The following THSD7B variants were observed in gnomAD, a reference collection of about 807,000 sequenced individuals.
THSD7B encodes the protein thrombospondin type-1 domain-containing protein 7B.
A neutral mutation model predicts 213.6 loss-of-function variants in THSD7B; 138 were observed. That is an observed-to-expected ratio of 0.65 (90% CI 0.56 to 0.74). THSD7B has a LOEUF of 0.74. Ranked by LOEUF, THSD7B falls within the 30% of genes least tolerant of loss-of-function variation. The probability of loss-of-function intolerance (pLI) is 0.00; values close to 1 mark genes in which losing one functional copy is unlikely to be tolerated. For missense variants in THSD7B, 1,931 were observed against 1,991.5 expected (o/e 0.97, Z 0.58); for synonymous variants, 742 against 687.0 (o/e 1.08, Z -1.25).
chr2:137,133,774 A>G (rs1688783440), intron 5 of THSD7B, among the ~76,000 whole-genome samples: 1 of 152,228 alleles, frequency 6.6e-6, no homozygotes, highest in African/African-American at 2.4e-5. Flanking sequence ...AAGGACTATC[A>G]TTTCAACATA....
chr2:136,995,503 A>T (rs578191348), intron 2 of THSD7B, among the ~76,000 whole-genome samples: 1 of 152,252 alleles, frequency 6.6e-6, no homozygotes, highest in South Asian at 2.1e-4. Flanking sequence ...ATTCTGTTTC[A>T]AGGAAAGTTT....
At chr2:136,897,821 C>T (rs1298794819) in intron 2 of THSD7B, among the ~76,000 whole-genome samples, 1 of 143,844 alleles carries the variant, frequency 7.0e-6, no homozygotes, top group Admixed American at 6.9e-5. Context: ...TACAAACCTT[C>T]AGCTAGACAC....
At chr2:137,421,409 G>A (rs1241115395) in intron 14 of THSD7B, among the ~76,000 whole-genome samples, 10 of 152,138 alleles carry the variant, frequency 6.6e-5, no homozygotes, top group East Asian at 3.9e-4. Context: ...GGGTTCCCAC[G>A]ACTCCCACTT....
chr2:137,606,328 A>G (rs1682176998), intron 17 of THSD7B, among the ~76,000 whole-genome samples: 1 of 152,196 alleles, frequency 6.6e-6, no homozygotes, highest in South Asian at 2.1e-4. Context: ...GGGGGCCTCT[A>G]TGTTGCTAGC....
At chr2:137,206,046 CTT>C (rs35864577) in intron 7 of THSD7B, among the ~76,000 whole-genome samples, 73 of 148,052 alleles carry the variant, frequency 4.9e-4, no homozygotes, top group South Asian at 1.1e-3. Context: ...AGTGATTATC[CTT>C]TTTTTTTTTT....
rs1448760536 is a variant in THSD7B at position 137,376,002 on chromosome 2, A to G, written c.2501-29611A>G. Among the ~76,000 whole-genome samples the G allele has an allele frequency of 3.9e-5, 6 of 152,362 alleles. No homozygotes were observed. In the South Asian group the frequency reaches 1.2e-3, roughly 32 times the overall value. On this transcript the variant is annotated intron_variant, in intron 12 of 27. Transcript: ENST00000409968. ...GATGTTTTAAATAGCCAGATCCACA[A>G]GAAAATGTAGAATATACTTTGGCAA...
At chr2:137,225,536 C>T (rs1214008589) in intron 7 of THSD7B, among the ~76,000 whole-genome samples, 1 of 152,166 alleles carries the variant, frequency 6.6e-6, no homozygotes, top group Admixed American at 6.5e-5. Context: ...AAACCCAGCT[C>T]AGACACTGGC....
chr2:137,206,906 G>A (rs1339537054), intron 7 of THSD7B, among the ~76,000 whole-genome samples: 1 of 152,026 alleles, frequency 6.6e-6, no homozygotes, highest in African/African-American at 2.4e-5. Flanking sequence ...AATTAGATAA[G>A]GAAGGATTTC....
intron 10 of THSD7B, among the ~76,000 whole-genome samples, chr2:137,271,431 TATATATAATATA>T (rs1161941313): frequency 0.013 from 1,713 of 136,834 alleles, 29 homozygotes; most frequent in Non-Finnish European, 0.015. Flanking sequence ...AATTATATAA[TATATATAATATA>T]ATATATAATA....
chr2:136,916,330 T>C (rs1043445892), intron 2 of THSD7B, among the ~76,000 whole-genome samples: 1 of 152,190 alleles, frequency 6.6e-6, no homozygotes, highest in Non-Finnish European at 1.5e-5. Flanking sequence ...CCTTGTGGAC[T>C]TGAAAGGACT....
At chr2:137,404,287 T>G (rs1476552074) in intron 12 of THSD7B, among the ~76,000 whole-genome samples, 1 of 151,392 alleles carries the variant, frequency 6.6e-6, no homozygotes. Flanking sequence ...GTCCCACTAC[T>G]CGGTATCTAC....
intron 15 of THSD7B, among the ~76,000 whole-genome samples, chr2:137,453,450 C>T (rs916086786): frequency 2.0e-5 from 3 of 151,016 alleles, no homozygotes; most frequent in African/African-American, 7.3e-5. Context: ...CTGCCTCAGC[C>T]TCCCATGTAG....
At chr2:136,807,509 G>T (rs796813123) in intron 1 of THSD7B, among the ~76,000 whole-genome samples, 2,230 of 104,736 alleles carry the variant, frequency 0.021, 173 homozygotes, top group African/African-American at 0.073. Context: ...AAAATGTTTC[G>T]TTTTTTTTTT....
chr2:137,530,708 A>C (rs74593066), intron 15 of THSD7B, among the ~76,000 whole-genome samples: 10,928 of 152,012 alleles, frequency 0.072, 442 homozygotes, highest in African/African-American at 0.085. Flanking sequence ...CAGGGGCTTG[A>C]ATGCCGAAGC....
At chr2:137,563,444 C>T (rs1209549860) in intron 16 of THSD7B, 90 bp downstream of exon 16, 2 of 1,481,618 alleles carry the variant, frequency 1.3e-6, no homozygotes, top group Admixed American at 2.1e-5. Context: ...TCCAAGTACA[C>T]TCTGATTTTC....
intron 1 of THSD7B, among the ~76,000 whole-genome samples, chr2:136,855,621 ATTTAT>A (rs1558827452): frequency 7.0e-6 from 1 of 142,500 alleles, no homozygotes; most frequent in Non-Finnish European, 1.6e-5. Flanking sequence ...TTATTTATTT[ATTTAT>A]TTATTTATTT....
intron 7 of THSD7B, among the ~76,000 whole-genome samples, chr2:137,205,791 A>G (rs1282600914): frequency 1.3e-5 from 2 of 152,080 alleles, no homozygotes; most frequent in Admixed American, 6.6e-5. Context: ...CTTAAATCCC[A>G]TAGAAGTGAT....
At chr2:137,667,724 C>A in intron 26 of THSD7B, 50 bp from the exon 27 acceptor site, 1 of 1,468,724 alleles carries the variant, frequency 6.8e-7, no homozygotes, top group Non-Finnish European at 9.3e-7. Context: ...CTCTCAAATG[C>A]TGCAGACTTC....
At chr2:136,926,523 T>C (rs1296010693) in intron 2 of THSD7B, among the ~76,000 whole-genome samples, 1 of 151,902 alleles carries the variant, frequency 6.6e-6, no homozygotes, top group African/African-American at 2.4e-5. Context: ...CAAAACCCTG[T>C]CTCTACAAAA....
Sources: gnomAD v4.1 joint callset for allele counts (sites outside exome capture counted in the v4.1 genomes callset) on GRCh38, gnomAD v4.1.1 for gene constraint, MANE v1.5 for transcripts, NCBI Gene and HGNC (gene_info 2026-07-23, HGNC 2026-07-21) for gene names.